NOL10: variants seen among roughly 807,000 people sequenced by gnomAD.
NOL10 encodes the protein nucleolar protein 10, also known as H_NH0074G24.1.
In NOL10, 58 loss-of-function variants were observed where a neutral mutation model predicts 103.5. The observed-to-expected ratio is 0.56, with a 90% confidence interval of 0.45 to 0.70. NOL10 has a LOEUF of 0.70. NOL10 is among the 30% of genes least tolerant of loss of function. The pLI, the probability that NOL10 is intolerant of heterozygous loss-of-function variation, is 0.00. For missense variants in NOL10, 763 were observed against 807.3 expected, an observed-to-expected ratio of 0.95 and a Z score of 0.67; for synonymous variants, 287 against 282.5, an observed-to-expected ratio of 1.02 and a Z score of -0.16.
At chr2:10,637,202 A>C (rs1280003197) in intron 13 of NOL10, among the ~76,000 whole-genome samples, 2 of 150,474 alleles carry the variant, frequency 1.3e-5, no homozygotes, top group African/African-American at 4.9e-5. Flanking sequence ...AAAAAAAAAA[A>C]AAAAAAAAAA....
At chr2:10,687,812 G>A (rs1217242025) in intron 1 of NOL10, among the ~76,000 whole-genome samples, 2 of 152,148 alleles carry the variant, frequency 1.3e-5, no homozygotes, top group Non-Finnish European at 2.9e-5. Flanking sequence ...AAATTAGCTG[G>A]TGTGGTGGCA....
chr2:10,685,425 G>A (rs550580058), intron 1 of NOL10, among the ~76,000 whole-genome samples: 21 of 149,606 alleles, frequency 1.4e-4, no homozygotes, highest in Non-Finnish European at 2.7e-4. Flanking sequence ...CCCGGGAGGC[G>A]GAGGTTGCAG....
chr2:10,582,101 T>C (rs534623898), intron 19 of NOL10, among the ~76,000 whole-genome samples: 1 of 152,356 alleles, frequency 6.6e-6, no homozygotes, highest in East Asian at 1.9e-4. Context: ...GCCTGGAATT[T>C]AATTACTTTC....
intron 13 of NOL10, among the ~76,000 whole-genome samples, chr2:10,614,984 G>A (rs1676757404): frequency 6.6e-6 from 1 of 152,198 alleles, no homozygotes; most frequent in Admixed American, 6.5e-5. Flanking sequence ...ACTAGGAGCA[G>A]CAGCATGTAT....
chr2:10,610,965 A>G lies in NOL10; in HGVS notation c.1027-3654T>C, dbSNP rs547822089. ...ATGTTGCCCATGCTGTGGTCAATTT[A>G]TAAGACTTTCTTTTTTTCTTTTTAT... On this transcript the variant is annotated intron_variant, in intron 13 of 20. Coordinates refer to ENST00000381685, the MANE Select transcript of NOL10 (RefSeq NM_024894.4). 7.0e-4 allele frequency among the ~76,000 whole-genome samples: 106 copies of G among 152,286 alleles called. 1 individual carries two copies. The highest frequency in any genetic ancestry group is 2.5e-3 in the African/African-American group (102 of 41,558).
intron 5 of NOL10, among the ~76,000 whole-genome samples, chr2:10,672,147 G>A (rs1281827710): frequency 6.6e-6 from 1 of 152,014 alleles, no homozygotes; most frequent in East Asian, 1.9e-4. Flanking sequence ...GACCAACATG[G>A]AGAAACCCCA....
chr2:10,573,648 G>A (rs1674300792), intron 20 of NOL10, among the ~76,000 whole-genome samples: 2 of 110,512 alleles, frequency 1.8e-5, no homozygotes, highest in South Asian at 5.7e-4. Context: ...AAAGCAATTT[G>A]TAATGTCAAA....
At position 10,571,727 on chromosome 2, in the gene NOL10, C is replaced by T. The variant is rs1327070238; in HGVS notation, c.*344G>A. On this transcript the variant is annotated 3_prime_UTR_variant, in exon 21 of 21. Transcript: ENST00000381685. ...AAAAAAGTTCCTAGAGCATGATAAACCTTGGTTTCTGGCACAGGATAAACC... is the reference window on the plus strand; with the variant it reads ...AAAAAAGTTCCTAGAGCATGATAAATCTTGGTTTCTGGCACAGGATAAACC... 5.7e-6 allele frequency: 1 copy of T among 175,260 alleles called. No individual in the cohort carries two copies. The highest frequency in any genetic ancestry group is 1.2e-5 in the Non-Finnish European group (1 of 84,074). The allele number at this position is 175,260 out of a possible 1,614,324, so 10.9% of individuals were successfully genotyped here.
intron 19 of NOL10, among the ~76,000 whole-genome samples, chr2:10,585,190 G>C (rs1343895656): frequency 6.6e-6 from 1 of 152,212 alleles, no homozygotes; most frequent in Non-Finnish European, 1.5e-5. Context: ...TCAAGAGCCA[G>C]AGATAAAGCA....
At chr2:10,663,810 C>T (rs1227066037) in intron 8 of NOL10, among the ~76,000 whole-genome samples, 1 of 151,822 alleles carries the variant, frequency 6.6e-6, no homozygotes, top group African/African-American at 2.4e-5. Flanking sequence ...ATTAGCCGGG[C>T]ATGGTGGCGG....
In NOL10 at chr2:10,677,839, T is replaced by TTGTGTGTG. The variant is rs58970211; in HGVS notation, c.212-1976_212-1969dup. Among the ~76,000 whole-genome samples the TTGTGTGTG allele has an allele frequency of 4.0e-4, 59 of 146,832 alleles. 2 individuals carry two copies. Among genetic ancestry groups the TTGTGTGTG allele is most frequent in the Middle Eastern group, 3.5e-3 (1 of 288 alleles). On this transcript the variant is annotated intron_variant, in intron 3 of 20. Transcript: ENST00000381685. ...TCGTATGGCAATAATTTTAATACAT[T>TTGTGTGTG]TGTGTGTGTGTGTGTGTGTGTGTGT... is the stretch of plus-strand genomic sequence containing the variant.
intron 4 of NOL10, among the ~76,000 whole-genome samples, chr2:10,675,181 C>A (rs1016212443): frequency 1.3e-5 from 2 of 151,822 alleles, no homozygotes; most frequent in African/African-American, 4.8e-5. Context: ...CCAGCCTGGG[C>A]AACAAGACCC....
At chr2:10,673,244 G>T in intron 5 of NOL10, 1 of 271,500 alleles carries the variant, frequency 3.7e-6, no homozygotes, top group African/African-American at 2.2e-5. Context: ...AAAGATGACT[G>T]CTGCCAATTC....
chr2:10,576,377 T>C (rs1674450403), intron 20 of NOL10, among the ~76,000 whole-genome samples: 2 of 152,124 alleles, frequency 1.3e-5, no homozygotes, highest in Non-Finnish European at 2.9e-5. Context: ...CCAAGATAAA[T>C]AAAAACACAT....
intron 20 of NOL10, among the ~76,000 whole-genome samples, chr2:10,572,926 C>A (rs185568207): frequency 6.6e-6 from 1 of 152,302 alleles, no homozygotes; most frequent in African/African-American, 2.4e-5. Flanking sequence ...CCATCCCTGG[C>A]GCCAAATGGT....
intron 2 of NOL10, 147 bp downstream of exon 2, chr2:10,684,419 GA>G: frequency 7.6e-6 from 5 of 654,476 alleles, no homozygotes; most frequent in Non-Finnish European, 7.6e-6. Context: ...CATGTCAAAG[GA>G]AAAAAAAGAA....
In NOL10 at chr2:10,587,172, T is replaced by C. The variant is rs1164550219; in HGVS notation, c.1844+1871A>G. Among the ~76,000 whole-genome samples the C allele has an allele frequency of 4.0e-4, 9 of 22,622 alleles. 1 individual carries two copies. The highest frequency in any genetic ancestry group is 0.017 in the Middle Eastern group (1 of 58). 14.8% of individuals were successfully genotyped at this position (22,622 alleles called of 152,430 possible). On this transcript the variant is annotated intron_variant, in intron 19 of 20. Coordinates refer to ENST00000381685, the MANE Select transcript of NOL10 (RefSeq NM_024894.4). ...ATACATATATACACATATATACACA[T>C]ATATATACACATATATATACACATA...
chr2:10,589,781 T>C (rs575087942), intron 17 of NOL10, 30 bp from the exon 18 acceptor site: 6 of 1,360,406 alleles, frequency 4.4e-6, no homozygotes, highest in Middle Eastern at 1.9e-4. Context: ...CGTAAAAATT[T>C]AAGTTAATAT....
At chr2:10,574,864 G>A (rs1197458897) in intron 20 of NOL10, among the ~76,000 whole-genome samples, 1 of 152,154 alleles carries the variant, frequency 6.6e-6, no homozygotes, top group Non-Finnish European at 1.5e-5. Flanking sequence ...GGGAAGCTCT[G>A]CCAGACTTTC....
Sources: gnomAD v4.1 joint callset for allele counts (sites outside exome capture counted in the v4.1 genomes callset) on GRCh38, gnomAD v4.1.1 for gene constraint, MANE v1.5 for transcripts, NCBI Gene and HGNC (gene_info 2026-07-23, HGNC 2026-07-21) for gene names.